Variants in DLG2 observed in about 807,000 individuals in gnomAD.
DLG2 encodes discs large MAGUK scaffold protein 2.
DLG2 carries 45 observed loss-of-function variants against 132.5 expected under a neutral mutation model. That is an observed-to-expected ratio of 0.34 (90% CI 0.27 to 0.44). The LOEUF is 0.44. Ranked by LOEUF, DLG2 falls within the 20% of genes least tolerant of loss-of-function variation. The pLI is 1.00. For missense variants in DLG2, 1,045 were observed against 1,196.9 expected (o/e 0.87, Z 1.87); for synonymous variants, 424 against 419.6 (o/e 1.01, Z -0.13).
chr11:83,860,242 C>T (rs2061231003), intron 16 of DLG2, among the ~76,000 whole-genome samples: 1 of 152,168 alleles, frequency 6.6e-6, no homozygotes, highest in South Asian at 2.1e-4. Context: ...GATAGATCCA[C>T]TGACAGTTTG....
intron 4 of DLG2, among the ~76,000 whole-genome samples, chr11:85,158,314 A>C (rs1010794271): frequency 4.8e-4 from 73 of 152,124 alleles, no homozygotes; most frequent in African/African-American, 1.7e-3. Flanking sequence ...GCTCGAGTGA[A>C]AAAAAAGGTT....
At chr11:84,545,451 A>C in intron 6 of DLG2, 2 of 435,336 alleles carry the variant, frequency 4.6e-6, no homozygotes, top group South Asian at 1.8e-5. Context: ...ATCATAGTTC[A>C]TACCAAAACC....
chr11:85,309,784 A>C (rs1168768218), intron 3 of DLG2, among the ~76,000 whole-genome samples: 2 of 151,628 alleles, frequency 1.3e-5, no homozygotes, highest in Admixed American at 6.6e-5. Flanking sequence ...CCCTTAACTC[A>C]CCTCTAGTAT....
chr11:83,720,320 A>AAAAAAAG (rs2088116583), intron 18 of DLG2, among the ~76,000 whole-genome samples: 1 of 148,664 alleles, frequency 6.7e-6, no homozygotes, highest in Non-Finnish European at 1.5e-5. Context: ...AAAAAAAAAA[A>AAAAAAAG]AAAAAAGAAT....
intron 6 of DLG2, among the ~76,000 whole-genome samples, chr11:85,093,550 A>C (rs549751312): frequency 6.6e-6 from 1 of 152,222 alleles, no homozygotes; most frequent in African/African-American, 2.4e-5. Flanking sequence ...TAATGTACTC[A>C]TAGCTCCACA....
chr11:84,426,892 G>C (rs751813755), intron 7 of DLG2, among the ~76,000 whole-genome samples: 3 of 152,092 alleles, frequency 2.0e-5, no homozygotes, highest in Admixed American at 6.5e-5. Flanking sequence ...TATGGGAAAG[G>C]CTGGGAGCAG....
chr11:84,971,805 C>T (rs934783673), intron 6 of DLG2, among the ~76,000 whole-genome samples: 1 of 151,670 alleles, frequency 6.6e-6, no homozygotes, highest in African/African-American at 2.4e-5. Flanking sequence ...TTCTGTTGTA[C>T]TGAATAAATT....
At chr11:85,283,544 C>A (rs1470101096) in intron 4 of DLG2, among the ~76,000 whole-genome samples, 6 of 149,780 alleles carry the variant, frequency 4.0e-5, no homozygotes, top group Non-Finnish European at 7.4e-5. Flanking sequence ...TCTTTCAAAG[C>A]AATTAAGAAT....
chr11:85,378,468 T>C (rs1033929957), intron 3 of DLG2, among the ~76,000 whole-genome samples: 2 of 152,166 alleles, frequency 1.3e-5, no homozygotes, highest in African/African-American at 4.8e-5. Flanking sequence ...ATTATACCTA[T>C]TTTCTAGTTA....
At chr11:83,866,075 C>T (rs1028641933) in intron 16 of DLG2, among the ~76,000 whole-genome samples, 2 of 151,914 alleles carry the variant, frequency 1.3e-5, no homozygotes, top group Admixed American at 1.3e-4. Context: ...TCACAGTCCC[C>T]CCTTTTTTTT....
chr11:83,663,674 AC>A (rs1486734222), intron 18 of DLG2, among the ~76,000 whole-genome samples: 1 of 152,198 alleles, frequency 6.6e-6, no homozygotes, highest in Admixed American at 6.5e-5. Flanking sequence ...CTCAGGGGTC[AC>A]CTGGGCCATA....
intron 7 of DLG2, among the ~76,000 whole-genome samples, chr11:84,532,737 C>T (rs891501816): frequency 2.6e-5 from 4 of 152,172 alleles, no homozygotes; most frequent in African/African-American, 9.6e-5. Context: ...GATCAGCGGT[C>T]CTCCCACCTC....
intron 6 of DLG2, among the ~76,000 whole-genome samples, chr11:84,910,723 G>A (rs920781018): frequency 6.6e-6 from 1 of 151,914 alleles, no homozygotes; most frequent in Non-Finnish European, 1.5e-5. Flanking sequence ...GACCTGCCTG[G>A]GCAATATAGC....
At chr11:84,421,616 C>T (rs1259099795) in intron 7 of DLG2, among the ~76,000 whole-genome samples, 1 of 152,162 alleles carries the variant, frequency 6.6e-6, no homozygotes, top group Non-Finnish European at 1.5e-5. Context: ...TCTTATCAAC[C>T]TCTCTCTCAC....
intron 7 of DLG2, among the ~76,000 whole-genome samples, chr11:84,339,385 T>C (rs1340492462): frequency 6.6e-6 from 1 of 152,224 alleles, no homozygotes; most frequent in Admixed American, 6.5e-5. Context: ...TAGTTAAAGC[T>C]GAGATCTAGA....
At chr11:84,434,916 C>T (rs1457147346) in intron 7 of DLG2, among the ~76,000 whole-genome samples, 1 of 101,262 alleles carries the variant, frequency 9.9e-6, no homozygotes, top group Non-Finnish European at 1.8e-5. Context: ...CTGTCACCTA[C>T]TGAAAAAAAA....
chr11:85,135,124 G>C (rs969440134), intron 5 of DLG2, among the ~76,000 whole-genome samples: 9 of 152,288 alleles, frequency 5.9e-5, no homozygotes, highest in Non-Finnish European at 1.2e-4. Flanking sequence ...GTACCAGCGT[G>C]TTTCCCTGGC....
Position 84,174,275 on chromosome 11 carries a change from A to G in DLG2, c.574-10764T>C, listed in dbSNP as rs1485776000. Among the ~76,000 whole-genome samples, 3 of 151,698 alleles carry G rather than the reference A, an allele frequency of 2.0e-5. No individual in the cohort carries two copies. In the East Asian group the frequency reaches 5.8e-4, roughly 29 times the overall value. ...ACTTCCTAAAAATACTTCTTCCCCT[A>G]TTGATTTTCAACATCAATCTATTCT... On this transcript the variant is annotated intron_variant, in intron 8 of 27. Transcript: ENST00000376104.
chr11:84,547,966 T>C (rs945282884), intron 6 of DLG2, among the ~76,000 whole-genome samples: 3 of 152,208 alleles, frequency 2.0e-5, no homozygotes, highest in African/African-American at 7.2e-5. Flanking sequence ...AGCTGGTTAT[T>C]GAACAGTAGT....
Sources: gnomAD v4.1 joint callset for allele counts (sites outside exome capture counted in the v4.1 genomes callset) on GRCh38, gnomAD v4.1.1 for gene constraint, MANE v1.5 for transcripts, NCBI Gene and HGNC (gene_info 2026-07-23, HGNC 2026-07-21) for gene names.